TCF4: variants seen among roughly 807,000 people sequenced by gnomAD.
TCF4 encodes transcription factor 4, also known as SL3-3 enhancer factor 2.
A neutral mutation model predicts 82.1 loss-of-function variants in TCF4; 3 were observed. The ratio of observed to expected loss-of-function variants is 0.04; its 90% CI spans 0.02 to 0.09. The LOEUF is 0.09. Ranked by LOEUF, TCF4 falls within the 10% of genes least tolerant of loss-of-function variation. The pLI, the probability that TCF4 is intolerant of heterozygous loss-of-function variation, is 1.00. For missense variants in TCF4, 518 were observed against 852.7 expected (o/e 0.61, Z 4.89); for synonymous variants, 276 against 309.6 (o/e 0.89, Z 1.14).
At chr18:55,618,903 T>C (rs2097714917) in intron 2 of TCF4, among the ~76,000 whole-genome samples, 1 of 152,100 alleles carries the variant, frequency 6.6e-6, no homozygotes, top group Non-Finnish European at 1.5e-5. Flanking sequence ...CTTTATTTTG[T>C]TTATTTCTGG....
intron 6 of TCF4, among the ~76,000 whole-genome samples, chr18:55,378,734 T>C (rs1431557606): frequency 6.6e-6 from 1 of 152,202 alleles, no homozygotes; most frequent in Non-Finnish European, 1.5e-5. Flanking sequence ...CTCTTACACA[T>C]GGTACACAGA....
chr18:55,624,468 AT>A (rs1425451381), intron 2 of TCF4, among the ~76,000 whole-genome samples: 2 of 152,036 alleles, frequency 1.3e-5, no homozygotes, highest in African/African-American at 4.8e-5. Flanking sequence ...TCCTTAAAAC[AT>A]ATCACATATT....
At chr18:55,562,615 G>T (rs1319798860) in intron 3 of TCF4, among the ~76,000 whole-genome samples, 2 of 152,050 alleles carry the variant, frequency 1.3e-5, no homozygotes, top group Non-Finnish European at 2.9e-5. Flanking sequence ...CCTTTGGTTT[G>T]GCCAAGGGCA....
intron 8 of TCF4, chr18:55,321,594 G>C (rs780343590): frequency 1.7e-4 from 263 of 1,533,768 alleles, no homozygotes; most frequent in Non-Finnish European, 2.2e-4. Context: ...TGCAAACAAT[G>C]ATCACCACCT....
chr18:55,402,261 A>AG, intron 6 of TCF4: 1 of 983,640 alleles, frequency 1.0e-6, no homozygotes, highest in South Asian at 4.7e-5. Context: ...AAATATATAC[A>AG]GGGAAAAAAC....
At chr18:55,589,158 A>G (rs1025840822), upstream of TCF4, 4 of 560,574 alleles carry the variant, frequency 7.1e-6, no homozygotes, top group Admixed American at 5.6e-5. Context: ...TACATACACA[A>G]AATGCATGCA....
At chr18:55,250,265 T>C (rs945750663) in intron 15 of TCF4, among the ~76,000 whole-genome samples, 1 of 152,170 alleles carries the variant, frequency 6.6e-6, no homozygotes, top group Non-Finnish European at 1.5e-5. Flanking sequence ...AATAAGTGCA[T>C]AGATAATGTG....
chr18:55,300,519 G>C (rs1358436946), intron 8 of TCF4, among the ~76,000 whole-genome samples: 1 of 152,130 alleles, frequency 6.6e-6, no homozygotes, highest in Non-Finnish European at 1.5e-5. Context: ...GAAAGGGCCG[G>C]AAGGAAAACC....
upstream of TCF4, among the ~76,000 whole-genome samples, chr18:55,588,968 G>A (rs2097677166): frequency 6.6e-6 from 1 of 151,976 alleles, no homozygotes. Context: ...TATAGGCCCT[G>A]CATGCTCTTA....
At chr18:55,328,665 G>C (rs554034882) in intron 8 of TCF4, among the ~76,000 whole-genome samples, 1 of 152,202 alleles carries the variant, frequency 6.6e-6, no homozygotes, top group South Asian at 2.1e-4. Context: ...AAAGTTAGAG[G>C]GGAAATCCTG....
intron 6 of TCF4, among the ~76,000 whole-genome samples, chr18:55,365,534 C>A (rs1011571371): frequency 1.3e-5 from 2 of 151,872 alleles, no homozygotes; most frequent in African/African-American, 4.8e-5. Flanking sequence ...TCTCCCCCAG[C>A]CAACAATGGA....
chr18:55,527,159 C>T (rs1442582734), intron 3 of TCF4, among the ~76,000 whole-genome samples: 1 of 152,172 alleles, frequency 6.6e-6, no homozygotes, highest in East Asian at 1.9e-4. Flanking sequence ...CAAAGCCCAC[C>T]ACAAAGGTCC....
chr18:55,319,989 G>A (rs1373291306), intron 8 of TCF4, among the ~76,000 whole-genome samples: 9 of 151,904 alleles, frequency 5.9e-5, no homozygotes, highest in African/African-American at 2.2e-4. Context: ...CTTTCATTAC[G>A]GATAAGGGCT....
intron 8 of TCF4, among the ~76,000 whole-genome samples, chr18:55,314,999 C>T (rs1213296061): frequency 2.0e-5 from 3 of 152,100 alleles, no homozygotes; most frequent in Non-Finnish European, 4.4e-5. Context: ...AGGACAGCTA[C>T]AATGGAAGCA....
At chr18:55,320,516 T>C in intron 8 of TCF4, among the ~76,000 whole-genome samples, 1 of 152,252 alleles carries the variant, frequency 6.6e-6, no homozygotes, top group East Asian at 1.9e-4. Context: ...TTACAGAATA[T>C]GCTCATCTAG....
At chr18:55,381,801 C>G (rs1479608007) in intron 6 of TCF4, among the ~76,000 whole-genome samples, 1 of 152,120 alleles carries the variant, frequency 6.6e-6, no homozygotes, top group Non-Finnish European at 1.5e-5. Context: ...CAGGTTCTAT[C>G]TAGTTCCTAG....
intron 3 of TCF4, among the ~76,000 whole-genome samples, chr18:55,571,246 T>A (rs1163949799): frequency 6.6e-6 from 1 of 152,170 alleles, no homozygotes; most frequent in Non-Finnish European, 1.5e-5. Context: ...ATACACCACA[T>A]GCAACAACAT....
At chr18:55,257,909 C>T (rs1476100357) in intron 13 of TCF4, among the ~76,000 whole-genome samples, 1 of 152,126 alleles carries the variant, frequency 6.6e-6, no homozygotes, top group Non-Finnish European at 1.5e-5. Context: ...AGTCAATATA[C>T]AGCAATGACT....
At chr18:55,333,448 A>G (rs1279865635) in intron 8 of TCF4, among the ~76,000 whole-genome samples, 1 of 151,800 alleles carries the variant, frequency 6.6e-6, no homozygotes, top group Non-Finnish European at 1.5e-5. Flanking sequence ...TTCTCCCACC[A>G]GAAAAAAAAA....
Sources: allele counts gnomAD v4.1 joint callset (sites outside exome capture counted in the v4.1 genomes callset), GRCh38; gene constraint gnomAD v4.1.1; transcripts MANE v1.5; gene names NCBI Gene and HGNC (gene_info 2026-07-23, HGNC 2026-07-21).